COL6A5: variants seen among roughly 807,000 people sequenced by gnomAD.
COL6A5 encodes collagen alpha-5(VI) chain.
In COL6A5, 48 loss-of-function variants were observed where a neutral mutation model predicts 65.6. That is an observed-to-expected ratio of 0.73 (90% CI 0.58 to 0.93). COL6A5 has a LOEUF of 0.93. Among genes scored for constraint, COL6A5 ranks in the 40% least tolerant of loss-of-function variants. The pLI is 0.00. For missense variants in COL6A5, 914 were observed against 928.3 expected, an observed-to-expected ratio of 0.98 and a Z score of 0.20; for synonymous variants, 291 against 322.8, an observed-to-expected ratio of 0.90 and a Z score of 1.05.
chr3:130,384,764 C>G, intron 4 of COL6A5, 40 bp from the exon 5 acceptor site: 1 of 1,461,062 alleles, frequency 6.8e-7, no homozygotes, highest in East Asian at 2.5e-5. Flanking sequence ...AAAGTTCTCT[C>G]TAGGTTCTCT....
chr3:130,410,355 C>T (rs1937134463), intron 19 of COL6A5, 116 bp from the exon 20 acceptor site: 4 of 765,566 alleles, frequency 5.2e-6, no homozygotes, highest in South Asian at 1.7e-5. Context: ...AGAATGATCA[C>T]AGCATGACAT....
At chr3:130,388,934 T>G (rs781427383) in exon 6 of COL6A5, 2 of 1,545,980 alleles carry the variant, frequency 1.3e-6, no homozygotes, top group Non-Finnish European at 1.7e-6. Context: ...ACAGATGGAG[T>G]AGCGCAGGAT....
exon 2 of COL6A5, chr3:130,439,575 T>A: frequency 6.4e-7 from 1 of 1,551,172 alleles, no homozygotes; most frequent in South Asian, 1.2e-5. Context: ...ATGGGGAAAA[T>A]CAAACATTAG....
intron 13 of COL6A5, 53 bp downstream of exon 13, chr3:130,403,715 AC>A: frequency 8.7e-7 from 1 of 1,151,908 alleles, no homozygotes; most frequent in Non-Finnish European, 1.2e-6. Context: ...CTGTACACAC[AC>A]ACACACACAC....
chr3:130,470,155 TC>T lies in COL6A5; in HGVS notation c.2231+675del, dbSNP rs151067737. On this transcript the variant is annotated intron_variant, in intron 6 of 7. Coordinates refer to ENST00000512836, the Ensembl canonical transcript of COL6A5. ...CAGCTGGTAGGGATTTTTTAGGGTG[TC>T]TTTACACAGTGGGGCTTTAAGGGTG... Among the ~76,000 whole-genome samples, 257 of 152,182 alleles carry T rather than the reference TC, an allele frequency of 1.7e-3. 1 individual carries two copies. Among genetic ancestry groups the T allele is most frequent in the Middle Eastern group, 6.8e-3 (2 of 294 alleles).
intron 20 of COL6A5, 96 bp from the exon 21 acceptor site, chr3:130,413,449 A>T: frequency 8.7e-7 from 1 of 1,147,362 alleles, no homozygotes; most frequent in Non-Finnish European, 1.3e-6. Context: ...GCTGCTCATT[A>T]CTTATGTCTA....
intron 4 of COL6A5, among the ~76,000 whole-genome samples, chr3:130,444,745 C>A (rs1709268132): frequency 1.3e-5 from 2 of 152,102 alleles, no homozygotes; most frequent in Non-Finnish European, 2.9e-5. Flanking sequence ...GGGGTTTAAT[C>A]CATAAAGATT....
chr3:130,476,837 A>C, intron 7 of COL6A5: 1 of 656,652 alleles, frequency 1.5e-6, no homozygotes, highest in Non-Finnish European at 2.8e-6. Flanking sequence ...TAATGATATT[A>C]TATACATCTA....
chr3:130,455,719 C>A, intron 5 of COL6A5, 53 bp downstream of exon 37: 1 of 1,364,464 alleles, frequency 7.3e-7, no homozygotes, highest in East Asian at 2.3e-5. Context: ...GGATCCTCAT[C>A]TTTTAACACT....
At chr3:130,428,644 A>G (rs577295308), upstream of COL6A5, among the ~76,000 whole-genome samples, 35 of 152,288 alleles carry the variant, frequency 2.3e-4, no homozygotes, top group African/African-American at 8.2e-4. Context: ...GTAGCCTTGC[A>G]GCTATGTTTG....
intron 5 of COL6A5, among the ~76,000 whole-genome samples, chr3:130,459,091 A>C (rs2107603974): frequency 6.6e-6 from 1 of 152,258 alleles, no homozygotes; most frequent in East Asian, 1.9e-4. Context: ...ATTAAAAAAC[A>C]GAATAATTTG....
At chr3:130,462,182 T>G (rs1709717648) in intron 5 of COL6A5, among the ~76,000 whole-genome samples, 1 of 152,126 alleles carries the variant, frequency 6.6e-6, no homozygotes. Flanking sequence ...TACATATTTG[T>G]GCCTGCCTCC....
At position 130,461,947 on chromosome 3, in the gene COL6A5, G is replaced by A. The variant is rs1709711697; in HGVS notation, c.1544+6281G>A. ...AGACTACTGTTTCAGAGTGTGAAATGACCCACAAGGCTCACTTTTATCATC... is the reference window on the plus strand; with the variant it reads ...AGACTACTGTTTCAGAGTGTGAAATAACCCACAAGGCTCACTTTTATCATC... On this transcript the variant is annotated intron_variant, in intron 5 of 7. Coordinates refer to ENST00000512836, the Ensembl canonical transcript of COL6A5. 2.0e-5 allele frequency among the ~76,000 whole-genome samples: 3 copies of A among 151,878 alleles called. No individual in the cohort carries two copies. In the South Asian group the frequency reaches 6.2e-4, roughly 32 times the overall value.
chr3:130,476,745 G>A, intron 7 of COL6A5: 2 of 463,932 alleles, frequency 4.3e-6, no homozygotes, highest in East Asian at 5.2e-5. Flanking sequence ...AGAATCAAAA[G>A]GATTATCATC....
intron 1 of COL6A5, among the ~76,000 whole-genome samples, chr3:130,365,556 C>T (rs1297041033): frequency 2.6e-5 from 4 of 152,184 alleles, no homozygotes; most frequent in East Asian, 1.9e-4. Context: ...GGATTACAGG[C>T]GTGAGCCACC....
chr3:130,459,776 A>C (rs1432988310), intron 5 of COL6A5, among the ~76,000 whole-genome samples: 2 of 152,036 alleles, frequency 1.3e-5, no homozygotes, highest in Non-Finnish European at 2.9e-5. Flanking sequence ...AAAAATTCAA[A>C]TACCAAGTTT....
intron 7 of COL6A5, among the ~76,000 whole-genome samples, chr3:130,474,791 T>C (rs1315924529): frequency 2.0e-5 from 3 of 151,908 alleles, no homozygotes; most frequent in African/African-American, 7.2e-5. Context: ...GCAGATCACT[T>C]GAGCCCAGGA....
chr3:130,385,231 T>G, exon 5 of COL6A5: 1 of 1,551,020 alleles, frequency 6.4e-7, no homozygotes, highest in South Asian at 1.2e-5. Context: ...TTCATGCAGT[T>G]GGCATTGGGG....
chr3:130,431,605 G>T, exon 1 of COL6A5: 1 of 1,551,606 alleles, frequency 6.4e-7, no homozygotes, highest in Non-Finnish European at 8.7e-7. Context: ...TAACTGTCCT[G>T]TGGGAGCAAG....
Sources: allele counts gnomAD v4.1 joint callset (sites outside exome capture counted in the v4.1 genomes callset), GRCh38; gene constraint gnomAD v4.1.1; transcripts MANE v1.5; gene names NCBI Gene and HGNC (gene_info 2026-07-23, HGNC 2026-07-21).